L3MBTL1: variants seen among roughly 807,000 people sequenced by gnomAD.
L3MBTL1 encodes the protein L3MBTL histone methyl-lysine binding protein 1.
A neutral mutation model predicts 105.3 loss-of-function variants in L3MBTL1; 75 were observed. The ratio of observed to expected loss-of-function variants is 0.71; its 90% CI spans 0.59 to 0.86. L3MBTL1 has a LOEUF of 0.86. Ranked by LOEUF, L3MBTL1 falls within the 40% of genes least tolerant of loss-of-function variation. The pLI, the probability that L3MBTL1 is intolerant of heterozygous loss-of-function variation, is 0.00. For synonymous variants in L3MBTL1, 452 were observed against 436.2 expected, an observed-to-expected ratio of 1.04 and a Z score of -0.45; for missense variants, 1,069 against 1,126.4, an observed-to-expected ratio of 0.95 and a Z score of 0.73.
chr20:43,532,249 T>G (rs2019377355), intron 11 of L3MBTL1: 1 of 152,544 alleles, frequency 6.6e-6, no homozygotes, highest in Non-Finnish European at 1.5e-5. Context: ...CGCCGTTGAC[T>G]AGCATTGTGT....
intron 1 of L3MBTL1, among the ~76,000 whole-genome samples, chr20:43,512,428 C>T (rs929389065): frequency 3.3e-5 from 5 of 152,200 alleles, no homozygotes; most frequent in African/African-American, 4.8e-5. Context: ...CCAGGCTAGC[C>T]TCAAACTCCT....
intron 18 of L3MBTL1, 23 bp downstream of exon 18, chr20:43,536,317 G>C: frequency 6.2e-7 from 1 of 1,612,094 alleles, no homozygotes. Flanking sequence ...GGGAATCAGG[G>C]CCCGGGCTTC....
intron 7 of L3MBTL1, among the ~76,000 whole-genome samples, chr20:43,525,070 T>G (rs2018954442): frequency 6.8e-6 from 1 of 148,140 alleles, no homozygotes; most frequent in African/African-American, 2.5e-5. Context: ...ATCCAAGAGA[T>G]AACTAGGAGT....
chr20:43,514,266 G>C (rs2018236537), intron 3 of L3MBTL1: 2 of 777,476 alleles, frequency 2.6e-6, no homozygotes, highest in African/African-American at 1.8e-5. Flanking sequence ...GCGTGGCTTG[G>C]AGTGAGGCAC....
chr20:43,535,363 C>T (rs2019553466), intron 16 of L3MBTL1, among the ~76,000 whole-genome samples: 1 of 152,154 alleles, frequency 6.6e-6, no homozygotes, highest in African/African-American at 2.4e-5. Flanking sequence ...CCATTTTCAC[C>T]CTTAGGATTT....
chr20:43,541,205 A>G lies in L3MBTL1; in HGVS notation c.*77A>G. On this transcript the variant is annotated 3_prime_UTR_variant, in exon 22 of 22. Transcript: ENST00000418998. ...TTGAATGACACAGATATTGTGATTTACTGCAAGGATCCTAACACACACTTA... is the reference window on the plus strand; with the variant it reads ...TTGAATGACACAGATATTGTGATTTGCTGCAAGGATCCTAACACACACTTA... The G allele has an allele frequency of 6.4e-7, 1 of 1,553,858 alleles. No homozygotes were observed. The highest frequency in any genetic ancestry group is 1.4e-5 in the African/African-American group (1 of 73,834).
At chr20:43,543,652 G>T (rs1238530565), downstream of L3MBTL1, among the ~76,000 whole-genome samples, 1 of 152,192 alleles carries the variant, frequency 6.6e-6, no homozygotes, top group African/African-American at 2.4e-5. Context: ...GTAGGACAAT[G>T]CTCCAGGAGT....
At chr20:43,509,207 C>A (rs1008231961) in intron 1 of L3MBTL1, among the ~76,000 whole-genome samples, 5 of 151,764 alleles carry the variant, frequency 3.3e-5, no homozygotes, top group African/African-American at 1.2e-4. Flanking sequence ...CTCTCTCTCT[C>A]CTTCCTTCCT....
chr20:43,536,583 C>T (rs1465948033), intron 19 of L3MBTL1, 125 bp downstream of exon 19: 4 of 1,107,654 alleles, frequency 3.6e-6, no homozygotes, highest in African/African-American at 3.1e-5. Context: ...TGTGCCTCTT[C>T]GTTTGAGATA....
intron 7 of L3MBTL1, among the ~76,000 whole-genome samples, chr20:43,524,889 A>AT (rs2018942196): frequency 6.6e-6 from 1 of 152,068 alleles, no homozygotes; most frequent in South Asian, 2.1e-4. Context: ...AGGTGTTTAG[A>AT]TTTTGGGGTT....
intron 15 of L3MBTL1, 121 bp downstream of exon 15, chr20:43,534,515 A>C: frequency 1.3e-5 from 10 of 780,202 alleles, no homozygotes; most frequent in East Asian, 2.6e-5. Context: ...CTTGAATCTC[A>C]TTCTTGCCTC....
chr20:43,544,127 A>G (rs1360287699), downstream of L3MBTL1, among the ~76,000 whole-genome samples: 1 of 152,228 alleles, frequency 6.6e-6, no homozygotes, highest in Non-Finnish European at 1.5e-5. Context: ...CTAACTGTGC[A>G]GCCAGATGTT....
Position 43,514,060 on chromosome 20 carries a change from G to A in L3MBTL1, c.359G>A (p.Arg120Gln), listed in dbSNP as rs1297277258. ...AAAPPPGGGL[R>Q]FRISEYKPLN... ...GCCCCGCCCCCAGGGGGCGGCCTGC[G>A]GGTCAGTGTCTGTGGGGATTGGCTA... Residue 120 changes from arginine (R) to glutamine (Q), a missense_variant and splice_region_variant, in exon 3 of 22, where the codon CGG becomes CAG. Transcript: ENST00000418998. 2 of 1,532,962 alleles carry A rather than the reference G, an allele frequency of 1.3e-6. No individual in the cohort carries two copies. Among genetic ancestry groups the A allele is most frequent in the African/African-American group, 2.7e-5 (2 of 72,960 alleles). 95.0% of individuals were successfully genotyped at this position (1,532,962 alleles called of 1,614,324 possible).
rs1209152978 is a variant in L3MBTL1, at chr20:43,534,097, A to G, written c.1599+4A>G. 1 of 1,611,904 alleles carries G rather than the reference A, an allele frequency of 6.2e-7. No individual in the cohort carries two copies. Among genetic ancestry groups the G allele is most frequent in the East Asian group, 2.2e-5 (1 of 44,876 alleles). On this transcript the variant is annotated splice_donor_region_variant and intron_variant, in intron 14 of 21. Coordinates refer to ENST00000418998, the MANE Select transcript of L3MBTL1 (RefSeq NM_001377303.1). The stretch of plus-strand genomic sequence containing the variant: ...CCCCACCTGGGCCTTCAAGGTGGTG[A>G]GTCAGTGCTCCCTGACCCCAGAGCT...
chr20:43,547,969 C>A, intron 18 of L3MBTL1: 1 of 343,606 alleles, frequency 2.9e-6, no homozygotes, highest in Non-Finnish European at 5.1e-6. Flanking sequence ...CTCCCCTTCT[C>A]TCCTCCTTCC....
chr20:43,524,616 TCATCCATC>T (rs1205682779), intron 7 of L3MBTL1, among the ~76,000 whole-genome samples: 2 of 152,194 alleles, frequency 1.3e-5, no homozygotes, highest in African/African-American at 2.4e-5. Flanking sequence ...ATCCATCCAC[TCATCCATC>T]CATCCATCCT....
intron 7 of L3MBTL1, among the ~76,000 whole-genome samples, chr20:43,528,437 G>C (rs529199725): frequency 6.6e-6 from 1 of 152,316 alleles, no homozygotes; most frequent in East Asian, 1.9e-4. Context: ...GAGCGGGTGG[G>C]GGGGAAGTGA....
intron 12 of L3MBTL1, 58 bp from the exon 13 acceptor site, chr20:43,533,284 A>T (rs1600944787): frequency 6.6e-7 from 1 of 1,512,420 alleles, no homozygotes; most frequent in Non-Finnish European, 9.1e-7. Context: ...CTTTCAGAGG[A>T]TGGCAGGCTC....
Position 43,515,340 on chromosome 20 carries a change from C to T in L3MBTL1, c.702C>T (p.Leu234=), listed in dbSNP as rs1422293229. The T allele has an allele frequency of 6.3e-7, 1 of 1,582,700 alleles. No homozygotes were observed. The highest frequency in any genetic ancestry group is 1.3e-5 in the African/African-American group (1 of 74,392). ...NSSGSTSASE[L]LKPMKKRKRR... Reference sequence around the variant, plus strand: ...CAGGCTCTACCAGCGCTTCTGAGCTCCTCAAACCCATGAAGAAGAGGAAGC... The same window carrying T: ...CAGGCTCTACCAGCGCTTCTGAGCTTCTCAAACCCATGAAGAAGAGGAAGC... The change falls in exon 6 of 22, where the codon CTC becomes CTT. Residue 234 remains leucine, a synonymous_variant. Transcript: ENST00000418998.
Sources: allele counts gnomAD v4.1 joint callset (sites outside exome capture counted in the v4.1 genomes callset), GRCh38; gene constraint gnomAD v4.1.1; transcripts MANE v1.5; gene names NCBI Gene and HGNC (gene_info 2026-07-23, HGNC 2026-07-21).